GRIK4: variants seen among roughly 807,000 people sequenced by gnomAD.
GRIK4 encodes glutamate receptor ionotropic, kainate 4.
Under a neutral mutation model 104.9 loss-of-function variants are expected in GRIK4, and 40 were observed. That is an observed-to-expected ratio of 0.38 (90% CI 0.30 to 0.50). The LOEUF is 0.50. GRIK4 is among the 20% of genes least tolerant of loss of function. The pLI is 0.93. For synonymous variants in GRIK4, 485 were observed against 524.9 expected (o/e 0.92, Z 1.04); for missense variants, 1,047 against 1,308.1 (o/e 0.80, Z 3.08).
intron 3 of GRIK4, among the ~76,000 whole-genome samples, chr11:120,673,942 T>A (rs1950060123): frequency 6.6e-6 from 1 of 152,184 alleles, no homozygotes; most frequent in South Asian, 2.1e-4. Flanking sequence ...TGACCATTGG[T>A]TTTTCTATTG....
chr11:120,679,381 C>T (rs998043196), intron 3 of GRIK4, among the ~76,000 whole-genome samples: 4 of 152,306 alleles, frequency 2.6e-5, no homozygotes, highest in South Asian at 4.1e-4. Flanking sequence ...CTAGTGCCCC[C>T]GGAGCCCAGG....
chr11:120,952,255 T>G lies in GRIK4; in HGVS notation c.1591-600T>G, dbSNP rs1944018968. Among the ~76,000 whole-genome samples the G allele has an allele frequency of 6.6e-6, 1 of 152,110 alleles. No homozygotes were observed. The highest frequency in any genetic ancestry group is 2.4e-5 in the African/African-American group (1 of 41,416). ...CTTTTTTGGGTCCCGGCTCTTCCAT[T>G]TACGCACTGTGGAACCTCGGGCACA... On this transcript the variant is annotated intron_variant, in intron 14 of 20. Transcript: ENST00000527524. This position sits in a 1 kb window ranked among gnomAD's most constrained non-coding sequence, Gnocchi z 5.2.
At chr11:120,908,136 G>A (rs113376726) in intron 13 of GRIK4, among the ~76,000 whole-genome samples, 1 of 152,142 alleles carries the variant, frequency 6.6e-6, no homozygotes, top group Admixed American at 6.5e-5. Context: ...ATCTAAATCT[G>A]TCCCTTATAC....
At chr11:120,687,335 G>A (rs138483738) in intron 3 of GRIK4, among the ~76,000 whole-genome samples, 18 of 152,184 alleles carry the variant, frequency 1.2e-4, no homozygotes, top group African/African-American at 4.1e-4. Context: ...AACCTCCAGC[G>A]CTTTAAGATG....
At chr11:120,960,169 G>T (rs1489006374) in intron 16 of GRIK4, among the ~76,000 whole-genome samples, 1 of 152,148 alleles carries the variant, frequency 6.6e-6, no homozygotes. Flanking sequence ...TCTCTACTAA[G>T]AATACAAAAA....
intron 1 of GRIK4, among the ~76,000 whole-genome samples, chr11:120,608,155 T>G (rs1185487347): frequency 6.6e-6 from 1 of 151,908 alleles, no homozygotes. Context: ...CTGGAAAAGG[T>G]GTGTAAGGTC....
intron 3 of GRIK4, among the ~76,000 whole-genome samples, chr11:120,712,028 A>G (rs1314996441): frequency 6.6e-6 from 1 of 152,274 alleles, no homozygotes; most frequent in African/African-American, 2.4e-5. Flanking sequence ...CTGTGGATGC[A>G]ATAATACACA....
At chr11:120,961,128 A>G in intron 17 of GRIK4, 54 bp downstream of exon 17, 1 of 1,488,204 alleles carries the variant, frequency 6.7e-7, no homozygotes, top group South Asian at 1.1e-5. Flanking sequence ...AATAAAGTTG[A>G]GATGTTTCTC....
intron 3 of GRIK4, among the ~76,000 whole-genome samples, chr11:120,731,216 T>A (rs779501538): frequency 2.6e-5 from 4 of 152,152 alleles, no homozygotes; most frequent in Non-Finnish European, 5.9e-5. Flanking sequence ...TGTATGGCTT[T>A]TACTGTGTTG....
chr11:120,708,206 C>T (rs1950662123), intron 3 of GRIK4, among the ~76,000 whole-genome samples: 1 of 152,090 alleles, frequency 6.6e-6, no homozygotes, highest in Non-Finnish European at 1.5e-5. Flanking sequence ...TGTAGAATGG[C>T]AATGGGACAA....
intron 1 of GRIK4, among the ~76,000 whole-genome samples, chr11:120,573,652 C>T (rs1948433691): frequency 6.6e-6 from 1 of 152,184 alleles, no homozygotes. Context: ...TGGCAAGACA[C>T]ATGGGGAAAA....
At chr11:120,614,699 T>C (rs1949083811) in intron 1 of GRIK4, among the ~76,000 whole-genome samples, 1 of 152,162 alleles carries the variant, frequency 6.6e-6, no homozygotes. Flanking sequence ...AGTGATCTGA[T>C]TTATTAAAAC....
At chr11:120,620,021 T>TTAA in intron 1 of GRIK4, 7 of 576,446 alleles carry the variant, frequency 1.2e-5, no homozygotes, top group South Asian at 2.4e-5. Flanking sequence ...GCTGTTAGCG[T>TTAA]AGTGAACCTG....
At chr11:120,885,778 A>G (rs1329155570) in intron 11 of GRIK4, among the ~76,000 whole-genome samples, 2 of 152,232 alleles carry the variant, frequency 1.3e-5, no homozygotes, top group Non-Finnish European at 2.9e-5. Context: ...ATTTAACTTC[A>G]GAAACCATGA....
rs188679364 is a variant in GRIK4 at position 120,689,309 on chromosome 11, A to T, written c.82+28909A>T. ...CCTGCCTCCCATCCCTCACTTCTTG[A>T]GCCTATTCTAAATGTTGAACCCATG... On this transcript the variant is annotated intron_variant, in intron 3 of 20. Coordinates refer to ENST00000527524, the MANE Select transcript of GRIK4 (RefSeq NM_014619.5). Among the ~76,000 whole-genome samples the T allele has an allele frequency of 1.8e-4, 27 of 152,062 alleles. No individual in the cohort carries two copies. In the East Asian group the frequency reaches 5.0e-3, roughly 28 times the overall value.
chr11:120,715,926 T>A (rs1591829358), intron 3 of GRIK4, among the ~76,000 whole-genome samples: 1 of 152,136 alleles, frequency 6.6e-6, no homozygotes, highest in African/African-American at 2.4e-5. Flanking sequence ...GAAAGCACAG[T>A]GGATTCCAGG....
At chr11:120,762,496 G>C (rs1951767932) in intron 3 of GRIK4, among the ~76,000 whole-genome samples, 1 of 152,202 alleles carries the variant, frequency 6.6e-6, no homozygotes. Context: ...GGAGTGGTGA[G>C]AGAGGGCATC....
intron 3 of GRIK4, among the ~76,000 whole-genome samples, chr11:120,718,623 T>C (rs982121886): frequency 1.3e-5 from 2 of 152,200 alleles, no homozygotes; most frequent in East Asian, 3.8e-4. Context: ...GAATCCAACA[T>C]GTATTGAGCA....
chr11:120,960,015 C>A (rs1339983977), intron 16 of GRIK4, among the ~76,000 whole-genome samples: 1 of 151,656 alleles, frequency 6.6e-6, no homozygotes, highest in Admixed American at 6.6e-5. Flanking sequence ...GATGACAGAG[C>A]AAGACCCTGT....
Sources: allele counts gnomAD v4.1 joint callset (sites outside exome capture counted in the v4.1 genomes callset), GRCh38; gene constraint gnomAD v4.1.1; non-coding constraint Gnocchi (gnomAD v3.1); transcripts MANE v1.5; gene names NCBI Gene and HGNC (gene_info 2026-07-23, HGNC 2026-07-21).